PMPCA: variants seen among roughly 807,000 people sequenced by gnomAD.
PMPCA encodes peptidase, mitochondrial processing subunit alpha.
In PMPCA, 47 loss-of-function variants were observed where a neutral mutation model predicts 59.3. The observed-to-expected ratio is 0.79, with a 90% CI of 0.63 to 1.01. The LOEUF is 1.01. PMPCA is among the 50% of genes least tolerant of loss of function. PMPCA has a pLI of 0.00. For synonymous variants in PMPCA, 338 were observed against 290.3 expected, an observed-to-expected ratio of 1.16 and a Z score of -1.67; for missense variants, 726 against 704.5, an observed-to-expected ratio of 1.03 and a Z score of -0.34.
At chr9:136,422,753 C>T in intron 12 of PMPCA, 2 of 1,108,768 alleles carry the variant, frequency 1.8e-6, no homozygotes, top group Non-Finnish European at 1.1e-6. Flanking sequence ...CCCTTCTGTC[C>T]ATGCGGCCCT....
In PMPCA at chr9:136,412,208, T is replaced by C. The variant is rs1390005182; in HGVS notation, c.274+9T>C. 1 of 1,600,706 alleles carries C rather than the reference T, an allele frequency of 6.2e-7. No individual in the cohort carries two copies. The highest frequency in any genetic ancestry group is 2.2e-5 in the East Asian group (1 of 44,810). Reference sequence around the variant, plus strand: ...GTTTTGTACAGTAGGAAGTAAGTACTGTTGTGTTGTCGTGGGTGGTCCCGC... The same window carrying C: ...GTTTTGTACAGTAGGAAGTAAGTACCGTTGTGTTGTCGTGGGTGGTCCCGC... On this transcript the variant is annotated intron_variant, in intron 2 of 12. Transcript: ENST00000371717.
intron 11 of PMPCA, chr9:136,419,599 T>C (rs1835390124): frequency 5.2e-6 from 1 of 192,496 alleles, no homozygotes; most frequent in South Asian, 9.4e-5. Context: ...TTTGTTCTTT[T>C]TAAGATGGAG....
intron 4 of PMPCA, among the ~76,000 whole-genome samples, chr9:136,414,214 A>G (rs547485041): frequency 1.1e-4 from 17 of 152,336 alleles, no homozygotes; most frequent in African/African-American, 3.1e-4. Context: ...AAGTGGCTCC[A>G]TTTTGACTCA....
At position 136,419,107 on chromosome 9, in the gene PMPCA, G is replaced by C. The variant is rs1268773304; in HGVS notation, c.1263+1G>C. ...TTTAATGGGCGGAACCGTGGACACG[G>C]TAAGTGCAGTGTGGCGCCATTTCCA... On this transcript the variant is annotated splice_donor_variant, in intron 11 of 12. Coordinates refer to ENST00000371717, the MANE Select transcript of PMPCA (RefSeq NM_015160.3). LOFTEE classifies it high-confidence loss of function. The C allele has an allele frequency of 6.2e-7, 1 of 1,612,712 alleles. No individual in the cohort carries two copies. Among genetic ancestry groups the C allele is most frequent in the Admixed American group, 1.7e-5 (1 of 60,036 alleles).
intron 7 of PMPCA, 22 bp downstream of exon 7, chr9:136,417,236 ATGGCCTCGGGTGGGGAACACGTCCCC>A: frequency 6.5e-7 from 1 of 1,544,496 alleles, no homozygotes; most frequent in South Asian, 1.2e-5. Context: ...GGAACGTCTC[ATGGCCTCGGGTGGGGAACACGTCCCC>A]TGGCCCGTGG....
At chr9:136,412,982 C>A in intron 4 of PMPCA, 90 bp downstream of exon 4, 1 of 805,048 alleles carries the variant, frequency 1.2e-6, no homozygotes, top group Non-Finnish European at 2.2e-6. Context: ...CCCCTCCCAG[C>A]GGGAGGTGTG....
At position 136,421,977 on chromosome 9, in the gene PMPCA, G is replaced by T. The variant is rs753895120; in HGVS notation, c.1408+1G>T. 1 of 1,608,178 alleles carries T rather than the reference G, an allele frequency of 6.2e-7. No individual in the cohort carries two copies. Among genetic ancestry groups the T allele is most frequent in the Non-Finnish European group, 8.5e-7 (1 of 1,177,330 alleles). ...CCGCACGAGCTGTGCACGCTCATCC[G>T]TGAGTACCGCAGGGGTAGTGAGGGG... On this transcript the variant is annotated splice_donor_variant, in intron 12 of 12. Transcript: ENST00000371717. LOFTEE classifies it high-confidence loss of function.
intron 11 of PMPCA, chr9:136,420,210 C>T (rs1316642195): frequency 2.8e-5 from 4 of 141,144 alleles, no homozygotes; most frequent in African/African-American, 8.7e-5. Context: ...CTCTGTTGCC[C>T]AGGCTGGAGT....
In PMPCA at chr9:136,418,655, A is replaced by G. The variant is rs781137425; in HGVS notation, c.1091A>G (p.Tyr364Cys). 1.8e-5 allele frequency: 29 copies of G among 1,610,170 alleles called. No individual in the cohort carries two copies. In the Admixed American group the frequency reaches 2.8e-4, roughly 16 times the overall value. The change falls in exon 9 of 13, where the codon TAC becomes TGC. Residue 364 changes from tyrosine to cysteine, a missense_variant. Transcript: ENST00000371717. ...GPGKGMFSRL[Y>C]LNVLNRHHWM... ...GGCAAGGGCATGTTCTCCAGGCTCT[A>G]CCTCAACGTGCTCAACAGGTGGGTT... is the stretch of plus-strand genomic sequence containing the variant.
chr9:136,410,966 C>A (rs375186250), intron 1 of PMPCA, among the ~76,000 whole-genome samples: 4 of 152,234 alleles, frequency 2.6e-5, no homozygotes, highest in Non-Finnish European at 4.4e-5. Flanking sequence ...TCCTCTCCCC[C>A]CCTCACTTCC....
chr9:136,422,493 G>T, intron 12 of PMPCA: 1 of 1,032,122 alleles, frequency 9.7e-7, no homozygotes, highest in Non-Finnish European at 1.2e-6. Context: ...TGGCAAGGCT[G>T]CCTATTACGT....
At chr9:136,422,910 G>C in intron 12 of PMPCA, 185 bp from the exon 13 acceptor site, 2 of 1,403,894 alleles carry the variant, frequency 1.4e-6, no homozygotes, top group Non-Finnish European at 1.9e-6. Flanking sequence ...AGAACTCAAC[G>C]TCTGTCACTT....
chr9:136,419,898 T>G (rs1835400046), intron 11 of PMPCA: 1 of 152,172 alleles, frequency 6.6e-6, no homozygotes. Flanking sequence ...GTTTACTAAT[T>G]TTTTAAGCTT....
Position 136,417,036 on chromosome 9 carries a change from C to A in PMPCA, c.719C>A (p.Ser240Tyr), listed in dbSNP as rs777268401. Residue 240 changes from serine (S) to tyrosine (Y), a missense_variant, in exon 7 of 13, where the codon TCC (serine) becomes TAC (tyrosine). Ser to Tyr is a moderately radical substitution (Grantham distance 144). Transcript: ENST00000371717. ...AAGATCAACCGAGAGGTGCTGCATT[C>A]CTACCTGAGGAACTACTACACTCCC... ...VAKINREVLH[S>Y]YLRNYYTPDR... 1.2e-6 allele frequency: 2 copies of A among 1,613,862 alleles called. No homozygotes were observed. Among genetic ancestry groups the A allele is most frequent in the African/African-American group, 1.3e-5 (1 of 75,020 alleles).
At chr9:136,417,945 T>C (rs1835328363) in intron 7 of PMPCA, 72 bp from the exon 8 acceptor site, 2 of 1,044,392 alleles carry the variant, frequency 1.9e-6, no homozygotes, top group Non-Finnish European at 3.0e-6. Context: ...ACTCTGAAGA[T>C]GATCTCATCT....
In PMPCA at chr9:136,418,612, T is replaced by C; in HGVS notation, c.1048T>C (p.Phe350Leu). 1.2e-6 allele frequency: 2 copies of C among 1,614,064 alleles called. No individual in the cohort carries two copies. Among genetic ancestry groups the C allele is most frequent in the Non-Finnish European group, 1.7e-6 (2 of 1,179,888 alleles). The change falls in exon 9 of 13, where the codon TTC becomes CTC. Residue 350 changes from phenylalanine to leucine, a missense_variant. Transcript: ENST00000371717. ...LNMMMGGGGS[F>L]SAGGPGKGMF... ...CATGATGATGGGCGGAGGTGGCTCC[T>C]TCTCGGCTGGTGGGCCCGGCAAGGG...
In PMPCA at chr9:136,422,538, C is replaced by T; in HGVS notation, c.1409-557C>T. On this transcript the variant is annotated intron_variant, in intron 12 of 12. Transcript: ENST00000371717. ...TCGGGCTTATGGTGTCACCTGTGGG[C>T]ATCTCCTTTCCAGGCCTGGAGTCCC... The T allele has an allele frequency of 3.0e-6, 3 of 1,016,134 alleles. No homozygotes were observed. In the South Asian group the frequency reaches 1.2e-4, roughly 40 times the overall value. The allele number at this position is 1,016,134 out of a possible 1,614,324, so 62.9% of individuals were successfully genotyped here. A position where few individuals can be genotyped will look rare whatever the true frequency, so the allele number is the denominator to read the frequency against.
rs754979744 is a variant in PMPCA, at chr9:136,412,793, T to C, written c.355-17T>C. 2 of 1,508,650 alleles carry C rather than the reference T, an allele frequency of 1.3e-6. No individual in the cohort carries two copies. Among genetic ancestry groups the C allele is most frequent in the Non-Finnish European group, 1.8e-6 (2 of 1,084,632 alleles). 93.5% of individuals were successfully genotyped at this position (1,508,650 alleles called of 1,614,324 possible). A position where few individuals can be genotyped will look rare whatever the true frequency, so the allele number is the denominator to read the frequency against. On this transcript the variant is annotated splice_polypyrimidine_tract_variant and intron_variant, in intron 3 of 12. Coordinates refer to ENST00000371717, the MANE Select transcript of PMPCA (RefSeq NM_015160.3). ...GCCTGGATTGCTTATTTAGGTTTCC[T>C]TATTTATTTTTACTAGTCTACTGCT...
rs760975622 is a variant in PMPCA at position 136,410,678 on chromosome 9, G to A, written c.10G>A (p.Val4Met). Residue 4 changes from valine (V) to methionine (M), a missense_variant, in exon 1 of 13, where the codon GTG (valine) becomes ATG (methionine). Coordinates refer to ENST00000371717, the MANE Select transcript of PMPCA (RefSeq NM_015160.3). ...GGGGCGGAGACGCAAGATGGCGGCT[G>A]TGGTGCTGGCGGCGACGCGGTTGCT... is the stretch of plus-strand genomic sequence containing the variant. MAA[V>M]VLAATRLLRG... The A allele has an allele frequency of 3.5e-6, 5 of 1,416,324 alleles. 1 individual carries two copies. The highest frequency in any genetic ancestry group is 3.3e-5 in the South Asian group (2 of 60,146). The allele number at this position is 1,416,324 out of a possible 1,614,324, so 87.7% of individuals were successfully genotyped here. A position where few individuals can be genotyped will look rare whatever the true frequency, so the allele number is the denominator to read the frequency against.
Sources: allele counts gnomAD v4.1 joint callset (sites outside exome capture counted in the v4.1 genomes callset), GRCh38; gene constraint gnomAD v4.1.1; transcripts MANE v1.5; gene names NCBI Gene and HGNC (gene_info 2026-07-23, HGNC 2026-07-21).